Variants in TSC22D3 observed in about 807,000 individuals in gnomAD.
The protein encoded by TSC22D3 is TSC22 domain family member 3.
In TSC22D3, 4 loss-of-function variants were observed where a neutral mutation model predicts 11.1. The observed-to-expected ratio is 0.36, with a 90% confidence interval of 0.18 to 0.83. TSC22D3 has a LOEUF of 0.83. TSC22D3 is among the 40% of genes least tolerant of loss of function. The pLI, the probability that TSC22D3 is intolerant of heterozygous loss-of-function variation, is 0.48. For missense variants in TSC22D3, 118 were observed against 159.4 expected (o/e 0.74, Z 1.40); for synonymous variants, 77 against 70.3 (o/e 1.10, Z -0.48).
At position 107,753,933 on chromosome X, in the gene TSC22D3, T is replaced by A. The variant is rs7879259; in HGVS notation, c.320+21167A>T. On this transcript the variant is annotated intron_variant, in intron 1 of 2. Transcript: ENST00000372383. ...TCTTTCTTCCTTTTTTTTTTTTTTT[T>A]AAGACGGAGTCTTACTCTGTTGCCC... Among the ~76,000 whole-genome samples the A allele has an allele frequency of 7.2e-3, 785 of 108,586 alleles. 6 individuals carry two copies. The highest frequency in any genetic ancestry group is 0.025 in the African/African-American group (754 of 29,814). The allele number at this position is 108,586 out of a possible 115,157, so 94.3% of individuals were successfully genotyped here.
intron 1 of TSC22D3, among the ~76,000 whole-genome samples, chrX:107,769,715 T>TCACACACACACACACACACACACA (rs748668681): frequency 6.9e-5 from 7 of 101,500 alleles, no homozygotes; most frequent in African/African-American, 2.6e-4. Flanking sequence ...TCTTTCTCTT[T>TCACACACACACACACACACACACA]CACACACACA....
rs1394423094 is a variant in TSC22D3, at chrX:107,713,242, C to T, written c.*1277G>A. 9.0e-6 allele frequency: 1 copy of T among 111,684 alleles called. No individual in the cohort carries two copies. The highest frequency in any genetic ancestry group is 1.9e-5 in the Non-Finnish European group (1 of 53,124). The allele number at this position is 111,684 out of a possible 1,213,427, so 9.2% of individuals were successfully genotyped here. A position where few individuals can be genotyped will look rare whatever the true frequency, so the allele number is the denominator to read the frequency against. On this transcript the variant is annotated 3_prime_UTR_variant, in exon 3 of 3. Transcript: ENST00000372383. ...CAAGTTTATTTTTAGAAAAACAGAG[C>T]AAAGTTTATTGAAATTTCAAGCTAC...
intron 2 of TSC22D3, among the ~76,000 whole-genome samples, chrX:107,715,269 C>T (rs1926953519): frequency 1.8e-5 from 2 of 112,179 alleles, no homozygotes; most frequent in Admixed American, 9.4e-5. Flanking sequence ...GTCCTGCAGC[C>T]GGCCAGTTAG....
intron 1 of TSC22D3, chrX:107,721,972 G>A (rs1927356778): frequency 4.4e-6 from 2 of 457,971 alleles, no homozygotes; most frequent in South Asian, 7.2e-5. Flanking sequence ...CTCCAGTGTG[G>A]GAGACTATAG....
intron 1 of TSC22D3, among the ~76,000 whole-genome samples, chrX:107,752,462 G>A (rs976422396): frequency 1.7e-4 from 19 of 111,940 alleles, no homozygotes; most frequent in African/African-American, 5.5e-4. Flanking sequence ...CCAGAGGAGG[G>A]GAATGGTGAA....
intron 1 of TSC22D3, among the ~76,000 whole-genome samples, chrX:107,723,606 G>T (rs1269682848): frequency 8.9e-6 from 1 of 112,514 alleles, no homozygotes; most frequent in Non-Finnish European, 1.9e-5. Context: ...AAAGAAAGCA[G>T]CAAGACTATG....
chrX:107,716,143 C>G (rs1184445003), intron 1 of TSC22D3, 193 bp from the exon 2 acceptor site: 5 of 634,033 alleles, frequency 7.9e-6, no homozygotes, highest in Non-Finnish European at 1.1e-5. Context: ...ATCTCCTCAT[C>G]CAGGCCGGCT....
chrX:107,717,110 T>C, intron 1 of TSC22D3: 1 of 894,057 alleles, frequency 1.1e-6, no homozygotes, highest in Non-Finnish European at 1.4e-6. Flanking sequence ...GCCGGCTGCG[T>C]CACATGGCGT....
chrX:107,766,411 G>A (rs1410081769), intron 1 of TSC22D3, among the ~76,000 whole-genome samples: 1 of 109,283 alleles, frequency 9.2e-6, no homozygotes, highest in African/African-American at 3.4e-5. Flanking sequence ...TCCACCTTCC[G>A]GTAAACCCTT....
intron 2 of TSC22D3, among the ~76,000 whole-genome samples, chrX:107,714,995 G>A (rs781476803): frequency 1.8e-5 from 2 of 111,855 alleles, no homozygotes; most frequent in Admixed American, 9.4e-5. Context: ...GAACTAGATA[G>A]GTTCTCCCCT....
chrX:107,729,021 C>G (rs148031935), intron 1 of TSC22D3, among the ~76,000 whole-genome samples: 1,376 of 112,129 alleles, frequency 0.012, 20 homozygotes, highest in African/African-American at 0.041. Flanking sequence ...CAAACTGCCT[C>G]TGAGTGGGCA....
chrX:107,713,407 C>A lies in TSC22D3; in HGVS notation c.*1112G>T, dbSNP rs1926834163. 3 of 112,404 alleles carry A rather than the reference C, an allele frequency of 2.7e-5. No individual in the cohort carries two copies. The highest frequency in any genetic ancestry group is 1.9e-4 in the Admixed American group (2 of 10,630). The allele number at this position is 112,404 out of a possible 1,213,427, so 9.3% of individuals were successfully genotyped here. A position where few individuals can be genotyped will look rare whatever the true frequency, so the allele number is the denominator to read the frequency against. On this transcript the variant is annotated 3_prime_UTR_variant, in exon 3 of 3. Transcript: ENST00000372383. ...CCAGGCTCCATTGGATCAAAGCCAT[C>A]CCCTTGTTCATCCCTCATCCACAGT...
chrX:107,727,131 T>A (rs1484695476), intron 1 of TSC22D3, among the ~76,000 whole-genome samples: 1 of 111,739 alleles, frequency 8.9e-6, no homozygotes, highest in African/African-American at 3.3e-5. Context: ...ACAGGGTGAT[T>A]TATCTCCAAC....
chrX:107,749,013 G>A (rs1260451981), intron 1 of TSC22D3, among the ~76,000 whole-genome samples: 1 of 111,571 alleles, frequency 9.0e-6, no homozygotes, highest in Non-Finnish European at 1.9e-5. Flanking sequence ...TCTGCTAGCA[G>A]AGGGCAGAGC....
chrX:107,745,422 T>G (rs1365621376), intron 1 of TSC22D3, among the ~76,000 whole-genome samples: 3 of 112,571 alleles, frequency 2.7e-5, no homozygotes, highest in African/African-American at 9.7e-5. Flanking sequence ...TTAATGTGTA[T>G]TAGCATATAC....
At position 107,770,293 on chromosome X, in the gene TSC22D3, A is replaced by G. The variant is rs1042459123; in HGVS notation, c.320+4807T>C. 4.5e-5 allele frequency among the ~76,000 whole-genome samples: 5 copies of G among 111,947 alleles called. No individual in the cohort carries two copies. In the Admixed American group the frequency reaches 4.8e-4, roughly 11 times the overall value. On this transcript the variant is annotated intron_variant, in intron 1 of 2. Transcript: ENST00000372383. Reference sequence around the variant, plus strand: ...TATGAACTTAGGCACTGCAGCAGGCAGCCACTCAAATCATGCCGTGTGAGT... The same window carrying G: ...TATGAACTTAGGCACTGCAGCAGGCGGCCACTCAAATCATGCCGTGTGAGT...
intron 1 of TSC22D3, among the ~76,000 whole-genome samples, chrX:107,765,318 C>T (rs1451345787): frequency 8.9e-6 from 1 of 111,970 alleles, no homozygotes; most frequent in Non-Finnish European, 1.9e-5. Flanking sequence ...CCTTAAGGAG[C>T]AGGAGGCTGG....
In TSC22D3 at chrX:107,742,072, A is replaced by G. The variant is rs761078672; in HGVS notation, c.321-26122T>C. ...TCTTTCCTTTTTTTAAGCTTTAGAA[A>G]AGGCCCCTCCCCTCCCAAGGAACCT... On this transcript the variant is annotated intron_variant, in intron 1 of 2. Transcript: ENST00000372383. 5.5e-5 allele frequency among the ~76,000 whole-genome samples: 6 copies of G among 109,777 alleles called. No individual in the cohort carries two copies. In the Admixed American group the frequency reaches 5.8e-4, roughly 11 times the overall value.
At chrX:107,769,632 C>T (rs1463313745) in intron 1 of TSC22D3, among the ~76,000 whole-genome samples, 1 of 110,118 alleles carries the variant, frequency 9.1e-6, no homozygotes, top group Non-Finnish European at 1.9e-5. Context: ...GTTAAAATGG[C>T]AAATTTTATA....
Sources: allele counts gnomAD v4.1 joint callset (sites outside exome capture counted in the v4.1 genomes callset), GRCh38; gene constraint gnomAD v4.1.1; transcripts MANE v1.5; gene names NCBI Gene and HGNC (gene_info 2026-07-23, HGNC 2026-07-21).